RTTN: variants seen among roughly 807,000 people sequenced by gnomAD.
RTTN encodes rotatin.
Under a neutral mutation model 269.2 loss-of-function variants are expected in RTTN, and 182 were observed. That is an observed-to-expected ratio of 0.68 (90% CI 0.60 to 0.76). The LOEUF (loss-of-function observed/expected upper bound fraction) is 0.76. RTTN is among the 30% of genes least tolerant of loss of function. The pLI is 0.00. For missense variants in RTTN, 2,545 were observed against 2,608.6 expected (o/e 0.98, Z 0.53); for synonymous variants, 1,006 against 963.5 (o/e 1.04, Z -0.82).
chr18:70,167,620 G>A (rs1276561645), intron 12 of RTTN, among the ~76,000 whole-genome samples: 5 of 152,044 alleles, frequency 3.3e-5, no homozygotes, highest in East Asian at 1.9e-4. Context: ...CTACTTGAGA[G>A]GCTGAGGCGG....
intron 23 of RTTN, among the ~76,000 whole-genome samples, chr18:70,133,313 A>G (rs2060042782): frequency 6.6e-6 from 1 of 152,188 alleles, no homozygotes; most frequent in South Asian, 2.1e-4. Context: ...TGGGGCAGCT[A>G]GTACTTTTCC....
chr18:70,133,101 C>G (rs961335252), intron 23 of RTTN, among the ~76,000 whole-genome samples: 6 of 152,216 alleles, frequency 3.9e-5, no homozygotes, highest in East Asian at 3.9e-4. Context: ...TATAAGCAAC[C>G]TGGAAACTAT....
At chr18:70,017,349 G>T in intron 46 of RTTN, 58 bp downstream of exon 46, 1 of 1,469,072 alleles carries the variant, frequency 6.8e-7, no homozygotes, top group Non-Finnish European at 9.4e-7. Context: ...ATTTGGTGTT[G>T]ACCTGAACAG....
chr18:70,145,858 G>A (rs751509590), intron 17 of RTTN, 75 bp from the exon 18 acceptor site: 25 of 1,127,648 alleles, frequency 2.2e-5, no homozygotes, highest in Non-Finnish European at 3.0e-5. Flanking sequence ...GTAATTACAA[G>A]TAATTATATA....
At chr18:70,190,794 C>T (rs979400590) in intron 8 of RTTN, 75 bp from the exon 9 acceptor site, 39 of 1,016,134 alleles carry the variant, frequency 3.8e-5, no homozygotes, top group East Asian at 2.2e-4. Context: ...TCTGCTGCCT[C>T]GCATATTAGA....
At chr18:70,128,773 C>A in intron 23 of RTTN, 1 of 438,956 alleles carries the variant, frequency 2.3e-6, no homozygotes, top group Non-Finnish European at 4.1e-6. Context: ...TGAGGACTTA[C>A]CACATTCTAT....
intron 35 of RTTN, among the ~76,000 whole-genome samples, chr18:70,061,566 C>A (rs1315800472): frequency 6.6e-6 from 1 of 152,120 alleles, no homozygotes; most frequent in Admixed American, 6.6e-5. Flanking sequence ...AATTAAAAAT[C>A]ATTAATTTGC....
chr18:70,184,714 T>TG (rs1195408237), intron 10 of RTTN, among the ~76,000 whole-genome samples: 17 of 53,470 alleles, frequency 3.2e-4, no homozygotes, highest in African/African-American at 8.1e-4. Flanking sequence ...TTTTTTTTTT[T>TG]TTTGTGTGTG....
chr18:70,148,756 A>T, intron 17 of RTTN, 145 bp downstream of exon 17: 1 of 864,980 alleles, frequency 1.2e-6, no homozygotes, highest in Non-Finnish European at 1.8e-6. Context: ...GTATCTGCTT[A>T]GTTTCACGCA....
In RTTN at chr18:70,121,596, A is replaced by G. The variant is rs770486174; in HGVS notation, c.3488T>C (p.Leu1163Pro). The change falls in exon 26 of 49, where the codon CTA becomes CCA. Residue 1163 changes from leucine to proline, a missense_variant. Physicochemically the swap from Leu to Pro is moderately conservative, Grantham distance 98. Coordinates refer to ENST00000640769, the MANE Select transcript of RTTN (RefSeq NM_173630.4). ...LIKEQRKNSS[L>P]ELLNWILELL... is the part of the protein sequence containing the mutation. ...TTCGAGAATCCAGTTTAGAAGTTCT[A>G]GTGAAGAATTTTTTCTTTGTTCCTT... 1 of 1,579,916 alleles carries G rather than the reference A, an allele frequency of 6.3e-7. No homozygotes were observed. Among genetic ancestry groups the G allele is most frequent in the South Asian group, 1.2e-5 (1 of 83,784 alleles).
At chr18:70,098,880 C>G (rs963086354) in intron 28 of RTTN, among the ~76,000 whole-genome samples, 1 of 152,082 alleles carries the variant, frequency 6.6e-6, no homozygotes, top group Non-Finnish European at 1.5e-5. Flanking sequence ...CTTATGAGCA[C>G]GAACATGCAG....
chr18:70,161,241 C>T (rs1211551359), intron 14 of RTTN, among the ~76,000 whole-genome samples: 3 of 152,018 alleles, frequency 2.0e-5, no homozygotes, highest in African/African-American at 7.2e-5. Flanking sequence ...TAACAAACAA[C>T]GGGGAAATAA....
chr18:70,082,329 C>T (rs1049314245), intron 32 of RTTN, among the ~76,000 whole-genome samples: 5 of 152,082 alleles, frequency 3.3e-5, no homozygotes, highest in Non-Finnish European at 7.4e-5. Context: ...CATGTCATCC[C>T]CTGTAGGCCA....
At chr18:70,147,319 C>G (rs2060419485) in intron 17 of RTTN, among the ~76,000 whole-genome samples, 2 of 152,152 alleles carry the variant, frequency 1.3e-5, no homozygotes, top group Non-Finnish European at 2.9e-5. Context: ...ACAAATGCCA[C>G]TGTGTTACAA....
chr18:70,162,735 C>T (rs2060866091), intron 14 of RTTN, among the ~76,000 whole-genome samples: 1 of 151,664 alleles, frequency 6.6e-6, no homozygotes, highest in African/African-American at 2.4e-5. Flanking sequence ...CAAAGACAAA[C>T]CATATCAGAG....
intron 28 of RTTN, among the ~76,000 whole-genome samples, chr18:70,096,036 T>C (rs1253672349): frequency 6.6e-6 from 1 of 152,114 alleles, no homozygotes; most frequent in Non-Finnish European, 1.5e-5. Flanking sequence ...CTTGCTTTAT[T>C]TCATTAAGTT....
Position 70,196,571 on chromosome 18 carries a change from C to A in RTTN, c.771G>T (p.Gln257His), listed in dbSNP as rs758080366. 1.1e-5 allele frequency: 17 copies of A among 1,612,146 alleles called. No individual in the cohort carries two copies. The South Asian group carries it at 1.9e-4, about 18-fold the overall frequency. The change falls in exon 7 of 49, where the codon CAG (glutamine) becomes CAT (histidine). Residue 257 changes from glutamine to histidine, a missense_variant. By Grantham distance (24) the Gln-to-His change is conservative (BLOSUM62 0). Coordinates refer to ENST00000640769, the MANE Select transcript of RTTN (RefSeq NM_173630.4). ...TGTTTCTTAAATACATGCACAGCTGCTGCAGGCAGGACACCGACTGTAATG... is the reference window on the plus strand; with the variant it reads ...TGTTTCTTAAATACATGCACAGCTGATGCAGGCAGGACACCGACTGTAATG... ...RLALQSVSCL[Q>H]QLCMYLRNRL... is the part of the protein sequence containing the mutation.
intron 27 of RTTN, 149 bp downstream of exon 27, chr18:70,114,296 A>C (rs2059547863): frequency 3.6e-6 from 3 of 825,492 alleles, no homozygotes; most frequent in Non-Finnish European, 5.5e-6. Flanking sequence ...CTGAAACAAA[A>C]ACAAACAGAA....
At chr18:70,035,093 T>A (rs998125627) in intron 40 of RTTN, among the ~76,000 whole-genome samples, 1 of 152,210 alleles carries the variant, frequency 6.6e-6, no homozygotes, top group Admixed American at 6.5e-5. Flanking sequence ...AAACATTCCA[T>A]GAACATGGCT....
Sources: gnomAD v4.1 joint callset for allele counts (sites outside exome capture counted in the v4.1 genomes callset) on GRCh38, gnomAD v4.1.1 for gene constraint, MANE v1.5 for transcripts, NCBI Gene and HGNC (gene_info 2026-07-23, HGNC 2026-07-21) for gene names.